Variants in CMTM8 observed in about 807,000 individuals in gnomAD.
CMTM8 encodes CKLF like MARVEL transmembrane domain containing 8, also known as CKLF-like MARVEL transmembrane domain-containing protein 8.
CMTM8 carries 12 observed loss-of-function variants against 18.6 expected under a neutral mutation model. That is an observed-to-expected ratio of 0.65 (90% CI 0.41 to 1.05). CMTM8 has a LOEUF of 1.05. Among genes scored for constraint, CMTM8 ranks in the 50% least tolerant of loss-of-function variants. The probability of loss-of-function intolerance (pLI) is 0.00; values close to 1 mark genes in which losing one functional copy is unlikely to be tolerated. For missense variants in CMTM8, 217 were observed against 227.2 expected, an observed-to-expected ratio of 0.95 and a Z score of 0.29; for synonymous variants, 87 against 90.6, an observed-to-expected ratio of 0.96 and a Z score of 0.23.
chr3:32,330,983 T>C lies in CMTM8; in HGVS notation c.148-26390T>C, dbSNP rs1464911379. Among the ~76,000 whole-genome samples the C allele has an allele frequency of 3.9e-5, 6 of 152,040 alleles. No individual in the cohort carries two copies. In the East Asian group the frequency reaches 7.7e-4, roughly 20 times the overall value. ...GATGACAAAAGCAACAGTAGACAAA[T>C]AGGACTATACCAAACTTAAAACATC... On this transcript the variant is annotated intron_variant, in intron 1 of 3. Transcript: ENST00000307526.
chr3:32,330,625 A>G (rs1305524579), intron 1 of CMTM8, among the ~76,000 whole-genome samples: 1 of 152,190 alleles, frequency 6.6e-6, no homozygotes, highest in Non-Finnish European at 1.5e-5. Flanking sequence ...ATGTAGTCAA[A>G]AGATCTATGG....
intron 1 of CMTM8, among the ~76,000 whole-genome samples, chr3:32,335,485 C>T (rs1483380046): frequency 6.6e-6 from 1 of 152,164 alleles, no homozygotes; most frequent in Non-Finnish European, 1.5e-5. Flanking sequence ...GGTAGACTCA[C>T]CTCCACGGAG....
chr3:32,361,095 C>A (rs1481675756), intron 2 of CMTM8, among the ~76,000 whole-genome samples: 1 of 152,076 alleles, frequency 6.6e-6, no homozygotes, highest in African/African-American at 2.4e-5. Context: ...GATTCTCCTG[C>A]CTCAGCCTCC....
At chr3:32,321,153 G>T (rs997939283) in intron 1 of CMTM8, among the ~76,000 whole-genome samples, 1 of 151,786 alleles carries the variant, frequency 6.6e-6, no homozygotes, top group East Asian at 2.0e-4. Flanking sequence ...CCAAGTCAGC[G>T]GTGTGCTTTC....
intron 1 of CMTM8, among the ~76,000 whole-genome samples, chr3:32,356,703 A>G (rs1357419087): frequency 2.0e-5 from 3 of 152,172 alleles, no homozygotes; most frequent in African/African-American, 7.2e-5. Flanking sequence ...TTGAAAGCAG[A>G]TCAGCTCCAG....
chr3:32,348,792 C>G (rs1264309189), intron 1 of CMTM8, among the ~76,000 whole-genome samples: 2 of 152,070 alleles, frequency 1.3e-5, no homozygotes, highest in African/African-American at 2.4e-5. Flanking sequence ...TGAGCCACCT[C>G]TTCTGGCCCC....
chr3:32,352,262 G>A (rs1696725614), intron 1 of CMTM8, among the ~76,000 whole-genome samples: 1 of 150,676 alleles, frequency 6.6e-6, no homozygotes, highest in Non-Finnish European at 1.5e-5. Context: ...CTAAGTGGTT[G>A]ATAAGCATTA....
At chr3:32,302,995 G>A (rs944822313) in intron 1 of CMTM8, among the ~76,000 whole-genome samples, 19 of 152,192 alleles carry the variant, frequency 1.2e-4, no homozygotes, top group African/African-American at 4.3e-4. Flanking sequence ...AACCAATTTC[G>A]TCTCTTTGAC....
At chr3:32,262,788 C>A (rs1267044106) in intron 1 of CMTM8, among the ~76,000 whole-genome samples, 1 of 152,072 alleles carries the variant, frequency 6.6e-6, no homozygotes, top group African/African-American at 2.4e-5. Flanking sequence ...CTTTTTTAAT[C>A]AGCCGGTCCA....
intron 1 of CMTM8, among the ~76,000 whole-genome samples, chr3:32,349,877 G>T (rs933360056): frequency 6.6e-6 from 1 of 151,974 alleles, no homozygotes; most frequent in South Asian, 2.1e-4. Context: ...GTGTGGTGGC[G>T]CACGCTTGTA....
At position 32,318,597 on chromosome 3, in the gene CMTM8, C is replaced by G. The variant is rs555079136; in HGVS notation, c.148-38776C>G. 3.5e-4 allele frequency among the ~76,000 whole-genome samples: 50 copies of G among 141,166 alleles called. 1 individual carries two copies. The highest frequency in any genetic ancestry group is 1.3e-3 in the African/African-American group (48 of 38,118). 92.6% of individuals were successfully genotyped at this position (141,166 alleles called of 152,430 possible). Reference sequence around the variant, plus strand: ...TTTTTTTTTTTTTGAGACAGAGTCTCACTCTGTCACCCAGCCTGGAGTGCG... The same window carrying G: ...TTTTTTTTTTTTTGAGACAGAGTCTGACTCTGTCACCCAGCCTGGAGTGCG... On this transcript the variant is annotated intron_variant, in intron 1 of 3. Transcript: ENST00000307526.
chr3:32,323,488 C>A (rs1422769509), intron 1 of CMTM8, among the ~76,000 whole-genome samples: 1 of 152,138 alleles, frequency 6.6e-6, no homozygotes, highest in Non-Finnish European at 1.5e-5. Flanking sequence ...TAACTTCTAC[C>A]TATAAGGTAA....
chr3:32,335,929 G>A (rs1696377232), intron 1 of CMTM8, among the ~76,000 whole-genome samples: 1 of 152,112 alleles, frequency 6.6e-6, no homozygotes, highest in African/African-American at 2.4e-5. Flanking sequence ...TTAAACATCC[G>A]GAGGGCAAGT....
At chr3:32,366,788 C>T (rs1254620951) in intron 2 of CMTM8, among the ~76,000 whole-genome samples, 1 of 152,118 alleles carries the variant, frequency 6.6e-6, no homozygotes, top group African/African-American at 2.4e-5. Flanking sequence ...AGAACACAAC[C>T]GACATTCCTA....
intron 1 of CMTM8, among the ~76,000 whole-genome samples, chr3:32,335,387 G>A (rs1696366350): frequency 6.6e-6 from 1 of 152,190 alleles, no homozygotes; most frequent in Admixed American, 6.5e-5. Flanking sequence ...ACTAGGTGGT[G>A]GGTGGTGGAA....
chr3:32,358,934 G>C lies in CMTM8; in HGVS notation c.321+1388G>C, dbSNP rs1330592081. ...GTAACTATAGGAACACAGGATGAGG[G>C]AATAATCAAAGTAGGTTGGAATTTA... On this transcript the variant is annotated intron_variant, in intron 2 of 3. Coordinates refer to ENST00000307526, the MANE Select transcript of CMTM8 (RefSeq NM_178868.5). This position sits in a 1 kb window ranked among gnomAD's most constrained non-coding sequence, Gnocchi z 4.1. 2.6e-5 allele frequency among the ~76,000 whole-genome samples: 4 copies of C among 152,148 alleles called. No individual in the cohort carries two copies. Among genetic ancestry groups the C allele is most frequent in the Non-Finnish European group, 5.9e-5 (4 of 68,034 alleles).
At chr3:32,367,050 C>T (rs908730840) in intron 2 of CMTM8, among the ~76,000 whole-genome samples, 1 of 152,154 alleles carries the variant, frequency 6.6e-6, no homozygotes, top group Non-Finnish European at 1.5e-5. Flanking sequence ...CTACCCCTTC[C>T]TCTGTCTCCA....
intron 1 of CMTM8, among the ~76,000 whole-genome samples, chr3:32,335,325 C>T (rs1035731153): frequency 6.6e-6 from 1 of 152,186 alleles, no homozygotes; most frequent in Non-Finnish European, 1.5e-5. Flanking sequence ...GTGCTCATCT[C>T]CTGATGGATG....
chr3:32,330,313 C>A (rs913452965), intron 1 of CMTM8, among the ~76,000 whole-genome samples: 2 of 150,772 alleles, frequency 1.3e-5, no homozygotes. Context: ...AGCCACAGGC[C>A]CCATGCTTCC....
Sources: gnomAD v4.1 joint callset for allele counts (sites outside exome capture counted in the v4.1 genomes callset) on GRCh38, gnomAD v4.1.1 for gene constraint, Gnocchi (gnomAD v3.1) non-coding constraint, MANE v1.5 for transcripts, NCBI Gene and HGNC (gene_info 2026-07-23, HGNC 2026-07-21) for gene names.